PPP3CA: variants seen among roughly 807,000 people sequenced by gnomAD.
The protein encoded by PPP3CA is CAM-PRP catalytic subunit.
In PPP3CA, 14 loss-of-function variants were observed where a neutral mutation model predicts 66.5. The observed-to-expected ratio is 0.21, with a 90% CI of 0.14 to 0.33. The LOEUF (loss-of-function observed/expected upper bound fraction) is 0.33, where lower values mean the gene tolerates loss of function less well. PPP3CA is among the 10% of genes least tolerant of loss of function. The pLI is 1.00. For missense variants in PPP3CA, 317 were observed against 639.5 expected (o/e 0.50, Z 5.44); for synonymous variants, 232 against 226.2 (o/e 1.03, Z -0.23).
chr4:101,105,223 G>A (rs937611120), intron 3 of PPP3CA, among the ~76,000 whole-genome samples: 3 of 149,530 alleles, frequency 2.0e-5, no homozygotes, highest in African/African-American at 7.4e-5. Context: ...CTGGAGTGCA[G>A]TGGCATGATC....
At chr4:101,292,964 G>C (rs1728078473) in intron 1 of PPP3CA, among the ~76,000 whole-genome samples, 1 of 152,182 alleles carries the variant, frequency 6.6e-6, no homozygotes, top group South Asian at 2.1e-4. Context: ...TACAGGCTAA[G>C]TTTGATAAAC....
chr4:101,194,718 C>A (rs1051787634), intron 2 of PPP3CA, among the ~76,000 whole-genome samples: 1 of 151,926 alleles, frequency 6.6e-6, no homozygotes, highest in African/African-American at 2.4e-5. Flanking sequence ...AGGTGCCCAC[C>A]AGCACACCCA....
At chr4:101,213,691 C>T (rs149264885) in intron 1 of PPP3CA, among the ~76,000 whole-genome samples, 62 of 152,122 alleles carry the variant, frequency 4.1e-4, no homozygotes, top group East Asian at 2.5e-3. Flanking sequence ...TCACAGTGTT[C>T]GTTTTATAGA....
chr4:101,329,671 C>T (rs557023525), intron 1 of PPP3CA, among the ~76,000 whole-genome samples: 3 of 152,204 alleles, frequency 2.0e-5, no homozygotes, highest in African/African-American at 7.2e-5. Context: ...CAGCTGGTAA[C>T]TTAAGTTGAG....
At chr4:101,316,437 T>G (rs1311329113) in intron 1 of PPP3CA, among the ~76,000 whole-genome samples, 1 of 152,142 alleles carries the variant, frequency 6.6e-6, no homozygotes, top group Admixed American at 6.6e-5. Flanking sequence ...GAAACTATTT[T>G]CAACATTTAC....
At chr4:101,074,228 G>C (rs1729046986) in intron 8 of PPP3CA, among the ~76,000 whole-genome samples, 1 of 152,124 alleles carries the variant, frequency 6.6e-6, no homozygotes, top group South Asian at 2.1e-4. Context: ...TGCTGTGGTG[G>C]AAACAGATAT....
intron 2 of PPP3CA, among the ~76,000 whole-genome samples, chr4:101,134,585 G>A (rs529600032): frequency 6.6e-6 from 1 of 152,324 alleles, no homozygotes; most frequent in African/African-American, 2.4e-5. Context: ...AACAACAGAT[G>A]CTGGAGAGGA....
At chr4:101,294,219 A>G (rs1026158949) in intron 1 of PPP3CA, among the ~76,000 whole-genome samples, 3 of 152,222 alleles carry the variant, frequency 2.0e-5, no homozygotes, top group African/African-American at 7.2e-5. Flanking sequence ...GTTACAGAAA[A>G]TGAGTGAGCT....
chr4:101,299,683 G>A (rs1467484927), intron 1 of PPP3CA, among the ~76,000 whole-genome samples: 1 of 152,032 alleles, frequency 6.6e-6, no homozygotes, highest in Non-Finnish European at 1.5e-5. Flanking sequence ...GAATGCTAAA[G>A]GACAGACACT....
intron 2 of PPP3CA, 80 bp from the exon 3 acceptor site, chr4:101,109,158 C>A (rs1721560308): frequency 1.4e-6 from 2 of 1,397,306 alleles, no homozygotes; most frequent in South Asian, 2.7e-5. Flanking sequence ...AATTTTAGAA[C>A]CAGAATTAAT....
chr4:101,232,321 C>T (rs185312957), intron 1 of PPP3CA, among the ~76,000 whole-genome samples: 8 of 151,608 alleles, frequency 5.3e-5, no homozygotes, highest in African/African-American at 1.9e-4. Context: ...GCTGACTGAG[C>T]CATTTGGTTC....
chr4:101,273,592 TG>T (rs1343294514), intron 1 of PPP3CA, among the ~76,000 whole-genome samples: 1 of 152,214 alleles, frequency 6.6e-6, no homozygotes, highest in Non-Finnish European at 1.5e-5. Context: ...CCCAAAGTGC[TG>T]GGATTAGAGG....
chr4:101,125,904 C>T (rs998876707), intron 2 of PPP3CA, among the ~76,000 whole-genome samples: 1 of 152,164 alleles, frequency 6.6e-6, no homozygotes, highest in Non-Finnish European at 1.5e-5. Context: ...GCTATTAAGT[C>T]ATCACCTCAT....
chr4:101,025,137 A>AACTT lies in PPP3CA; in HGVS notation c.*724_*727dup, dbSNP rs1484165478. ...GATATAATTATTCCAGTTTTTTTAA[A>AACTT]ACTTAAAAGATATTCCATTGCCGAA... On this transcript the variant is annotated 3_prime_UTR_variant, in exon 14 of 14. Coordinates refer to ENST00000394854, the MANE Select transcript of PPP3CA (RefSeq NM_000944.5). 2 of 152,534 alleles carry AACTT rather than the reference A, an allele frequency of 1.3e-5. No homozygotes were observed. The highest frequency in any genetic ancestry group is 1.5e-5 in the Non-Finnish European group (1 of 68,016). 9.4% of individuals were successfully genotyped at this position (152,534 alleles called of 1,614,324 possible).
chr4:101,032,208 C>G (rs552275877), intron 12 of PPP3CA, 59 bp downstream of exon 12: 1 of 1,283,140 alleles, frequency 7.8e-7, no homozygotes, highest in South Asian at 1.7e-5. Flanking sequence ...AATCAGGGCT[C>G]TAATGACACA....
chr4:101,172,553 C>T (rs1723919260), intron 2 of PPP3CA, among the ~76,000 whole-genome samples: 1 of 152,036 alleles, frequency 6.6e-6, no homozygotes, highest in South Asian at 2.1e-4. Flanking sequence ...AAATGTTTTC[C>T]TCACTTTCCT....
Position 101,025,380 on chromosome 4 carries a change from A to G in PPP3CA, c.*485T>C, listed in dbSNP as rs1726583845. On this transcript the variant is annotated 3_prime_UTR_variant, in exon 14 of 14. Transcript: ENST00000394854. ...CAAGAGTAGCAAAACATTATCAATA[A>G]ATAGTCCTTAGTTTGTACATCATTT... The G allele has an allele frequency of 6.6e-6, 1 of 152,074 alleles. No individual in the cohort carries two copies. Among genetic ancestry groups the G allele is most frequent in the Non-Finnish European group, 1.5e-5 (1 of 67,976 alleles). The allele number at this position is 152,074 out of a possible 1,614,324, so 9.4% of individuals were successfully genotyped here. A position where few individuals can be genotyped will look rare whatever the true frequency, so the allele number is the denominator to read the frequency against.
chr4:101,329,552 C>G (rs994267385), intron 1 of PPP3CA, among the ~76,000 whole-genome samples: 2 of 152,138 alleles, frequency 1.3e-5, no homozygotes, highest in Non-Finnish European at 2.9e-5. Context: ...ATGAAACAGC[C>G]TTCTATTGGA....
intron 1 of PPP3CA, among the ~76,000 whole-genome samples, chr4:101,218,402 G>T (rs935225274): frequency 6.6e-6 from 1 of 152,098 alleles, no homozygotes; most frequent in Non-Finnish European, 1.5e-5. Flanking sequence ...CTGAATTTTA[G>T]CATTAAATAA....
Sources: gnomAD v4.1 joint callset for allele counts (sites outside exome capture counted in the v4.1 genomes callset) on GRCh38, gnomAD v4.1.1 for gene constraint, MANE v1.5 for transcripts, NCBI Gene and HGNC (gene_info 2026-07-23, HGNC 2026-07-21) for gene names.